The following GABRB2 variants were observed in gnomAD, a reference collection of about 807,000 sequenced individuals.
The protein encoded by GABRB2 is gamma-aminobutyric acid type A receptor subunit beta2.
In GABRB2, 16 loss-of-function variants were observed where a neutral mutation model predicts 54.7. The ratio of observed to expected loss-of-function variants is 0.29; its 90% CI spans 0.20 to 0.44. GABRB2 has a LOEUF of 0.44. Among genes scored for constraint, GABRB2 ranks in the 20% least tolerant of loss-of-function variants. The probability of loss-of-function intolerance (pLI) is 1.00; values close to 1 mark genes in which losing one functional copy is unlikely to be tolerated. For missense variants in GABRB2, 355 were observed against 644.0 expected (o/e 0.55, Z 4.86); for synonymous variants, 244 against 233.8 (o/e 1.04, Z -0.40).
intron 3 of GABRB2, among the ~76,000 whole-genome samples, chr5:161,536,675 C>T (rs1225321187): frequency 6.6e-6 from 1 of 152,214 alleles, no homozygotes; most frequent in African/African-American, 2.4e-5. Flanking sequence ...CGGCTCACTA[C>T]AACCTCCGCC....
intron 5 of GABRB2, among the ~76,000 whole-genome samples, chr5:161,351,275 A>G (rs974641664): frequency 2.6e-5 from 4 of 152,168 alleles, no homozygotes; most frequent in Non-Finnish European, 5.9e-5. Context: ...AGCTGGAGGC[A>G]TTATACTACC....
chr5:161,371,246 C>A (rs117647717), intron 5 of GABRB2, among the ~76,000 whole-genome samples: 1 of 148,452 alleles, frequency 6.7e-6, no homozygotes, highest in Admixed American at 6.7e-5. Context: ...TTTAGAAAGA[C>A]CTCAAAGTTA....
intron 9 of GABRB2, among the ~76,000 whole-genome samples, chr5:161,296,700 G>A (rs956921772): frequency 6.6e-6 from 1 of 152,126 alleles, no homozygotes; most frequent in African/African-American, 2.4e-5. Context: ...TGTGTGTTTG[G>A]CCCTATGCCA....
chr5:161,323,564 T>C (rs1249231476), intron 9 of GABRB2, among the ~76,000 whole-genome samples: 1 of 152,208 alleles, frequency 6.6e-6, no homozygotes, highest in Non-Finnish European at 1.5e-5. Context: ...CTCTGCATCT[T>C]TGCAGAGCCT....
intron 3 of GABRB2, among the ~76,000 whole-genome samples, chr5:161,531,263 C>G (rs1266445267): frequency 1.3e-5 from 2 of 152,116 alleles, no homozygotes; most frequent in Admixed American, 6.6e-5. Context: ...CAAATCATTT[C>G]ATTCATGATT....
At chr5:161,543,256 TA>T (rs1422686635) in intron 3 of GABRB2, among the ~76,000 whole-genome samples, 11 of 152,212 alleles carry the variant, frequency 7.2e-5, no homozygotes, top group Non-Finnish European at 1.6e-4. Flanking sequence ...ATATTTTGAC[TA>T]GCAGGTCTTG....
At chr5:161,408,664 T>C (rs1003569949) in intron 5 of GABRB2, among the ~76,000 whole-genome samples, 1 of 151,782 alleles carries the variant, frequency 6.6e-6, no homozygotes, top group Non-Finnish European at 1.5e-5. Context: ...AGGTTAATTT[T>C]CATTTGCCAG....
chr5:161,305,360 T>G (rs1192843495), intron 9 of GABRB2, among the ~76,000 whole-genome samples: 1 of 152,222 alleles, frequency 6.6e-6, no homozygotes, highest in African/African-American at 2.4e-5. Context: ...AAAGAAGGCA[T>G]TGGCTTCAAA....
At chr5:161,496,213 C>T (rs1759238354) in intron 3 of GABRB2, among the ~76,000 whole-genome samples, 1 of 152,124 alleles carries the variant, frequency 6.6e-6, no homozygotes, top group Admixed American at 6.6e-5. Flanking sequence ...ACCTCCCCAG[C>T]TCTTTTTTCC....
chr5:161,435,425 AC>A (rs11303232), intron 4 of GABRB2, among the ~76,000 whole-genome samples: 1,555 of 152,328 alleles, frequency 0.01, 26 homozygotes, highest in African/African-American at 0.034. Context: ...AAATAAAAAA[AC>A]ATTTATTCAA....
At chr5:161,503,709 C>CAAAA (rs33992062) in intron 3 of GABRB2, among the ~76,000 whole-genome samples, 55 of 91,682 alleles carry the variant, frequency 6.0e-4, no homozygotes, top group African/African-American at 2.0e-3. Flanking sequence ...AATTCCTTCT[C>CAAAA]AAAAAAAAAA....
chr5:161,373,366 TAAG>T (rs1396610740), intron 5 of GABRB2, among the ~76,000 whole-genome samples: 2 of 152,168 alleles, frequency 1.3e-5, no homozygotes, highest in Admixed American at 6.5e-5. Context: ...CTCATAAAAT[TAAG>T]AAGAAGACTA....
chr5:161,329,199 T>A (rs576168966), intron 8 of GABRB2, among the ~76,000 whole-genome samples: 1 of 152,338 alleles, frequency 6.6e-6, no homozygotes, highest in East Asian at 1.9e-4. Flanking sequence ...ATTATGCAAT[T>A]GATTTAGACT....
chr5:161,325,027 A>T (rs891326539), intron 9 of GABRB2, among the ~76,000 whole-genome samples: 1 of 152,066 alleles, frequency 6.6e-6, no homozygotes, highest in Non-Finnish European at 1.5e-5. Flanking sequence ...CTGAATTTTC[A>T]TGTGGTTTTA....
chr5:161,303,617 C>CA (rs1431582438), intron 9 of GABRB2, among the ~76,000 whole-genome samples: 3 of 152,034 alleles, frequency 2.0e-5, no homozygotes, highest in Non-Finnish European at 2.9e-5. Context: ...TTTTACTCTT[C>CA]AAAAGATCCC....
chr5:161,545,035 A>G (rs1311354909), intron 3 of GABRB2, among the ~76,000 whole-genome samples, 192 bp downstream of exon 3: 1 of 151,988 alleles, frequency 6.6e-6, no homozygotes, highest in Non-Finnish European at 1.5e-5. Flanking sequence ...CCAGGTTGAA[A>G]AAATCCTTAG....
At chr5:161,345,123 C>A (rs951930727) in intron 5 of GABRB2, among the ~76,000 whole-genome samples, 3 of 152,030 alleles carry the variant, frequency 2.0e-5, no homozygotes, top group Non-Finnish European at 2.9e-5. Context: ...AGCAAACCAC[C>A]ATGGCACGTG....
intron 4 of GABRB2, among the ~76,000 whole-genome samples, chr5:161,425,919 GGC>G (rs1277418911): frequency 1.3e-5 from 2 of 151,964 alleles, no homozygotes; most frequent in Non-Finnish European, 2.9e-5. Context: ...AATATAAATT[GGC>G]TCAATCTTCA....
At chr5:161,537,025 T>C (rs1233943977) in intron 3 of GABRB2, among the ~76,000 whole-genome samples, 1 of 152,118 alleles carries the variant, frequency 6.6e-6, no homozygotes, top group East Asian at 1.9e-4. Flanking sequence ...TGTTACTCTA[T>C]CTGGGAGAAA....
Sources: gnomAD v4.1 joint callset for allele counts (sites outside exome capture counted in the v4.1 genomes callset) on GRCh38, gnomAD v4.1.1 for gene constraint, MANE v1.5 for transcripts, NCBI Gene and HGNC (gene_info 2026-07-23, HGNC 2026-07-21) for gene names.